Variants in PICALM observed in about 807,000 individuals in gnomAD.
PICALM encodes phosphatidylinositol-binding clathrin assembly protein.
PICALM carries 40 observed loss-of-function variants against 80.5 expected under a neutral mutation model. The ratio of observed to expected loss-of-function variants is 0.50; its 90% CI spans 0.39 to 0.65. The LOEUF is 0.65. Ranked by LOEUF, PICALM falls within the 30% of genes least tolerant of loss-of-function variation. The probability of loss-of-function intolerance (pLI) is 0.00; values close to 1 mark genes in which losing one functional copy is unlikely to be tolerated. For synonymous variants in PICALM, 288 were observed against 260.3 expected (o/e 1.11, Z -1.02); for missense variants, 676 against 778.9 (o/e 0.87, Z 1.57).
At chr11:86,057,290 G>A in intron 1 of PICALM, among the ~76,000 whole-genome samples, 1 of 152,196 alleles carries the variant, frequency 6.6e-6, no homozygotes, top group Non-Finnish European at 1.5e-5. Flanking sequence ...TGCAATCCCA[G>A]CACTTTGGGA....
chr11:86,026,435 G>A (rs760483089), intron 2 of PICALM, 68 bp from the exon 3 acceptor site: 18 of 888,262 alleles, frequency 2.0e-5, no homozygotes, highest in Non-Finnish European at 3.3e-5. Context: ...AAAATTAGGA[G>A]GAAAAGTTAT....
At chr11:85,974,423 AAGAGC>A in intron 19 of PICALM, 1 of 556,368 alleles carries the variant, frequency 1.8e-6, no homozygotes, top group Non-Finnish European at 3.5e-6. Flanking sequence ...CAGAATCACG[AAGAGC>A]AAGTAGGCTC....
intron 4 of PICALM, among the ~76,000 whole-genome samples, chr11:86,018,846 G>A (rs1040913388): frequency 3.3e-5 from 5 of 151,122 alleles, no homozygotes; most frequent in African/African-American, 7.3e-5. Context: ...CCAAGAGCAC[G>A]CCACTGCACC....
At chr11:86,069,107 C>T, upstream of PICALM, 1 of 288,926 alleles carries the variant, frequency 3.5e-6, no homozygotes, top group Non-Finnish European at 6.6e-6. Context: ...CTCCTCGGAG[C>T]TTTCCGGGCT....
rs2093590352 is a variant in PICALM at position 85,958,675 on chromosome 11, A to AT, written c.*370_*371insA. On this transcript the variant is annotated 3_prime_UTR_variant, in exon 20 of 20. Transcript: ENST00000393346. ...AAAGAGTCCTGTTGAAATACAGTAA[A>AT]GGACACAGTTCTTCTCTCCAGGCAG... is the stretch of plus-strand genomic sequence containing the variant. 4.0e-6 allele frequency: 1 copy of AT among 252,486 alleles called. No individual in the cohort carries two copies. The highest frequency in any genetic ancestry group is 7.6e-6 in the Non-Finnish European group (1 of 131,798). 15.6% of individuals were successfully genotyped at this position (252,486 alleles called of 1,614,324 possible).
intron 1 of PICALM, among the ~76,000 whole-genome samples, chr11:86,051,064 GATA>G (rs2096178274): frequency 6.6e-6 from 1 of 152,104 alleles, no homozygotes; most frequent in East Asian, 1.9e-4. Flanking sequence ...TCCTACCAAT[GATA>G]ATAAGATATG....
chr11:85,966,664 T>G (rs574472824), intron 19 of PICALM, among the ~76,000 whole-genome samples: 1 of 152,280 alleles, frequency 6.6e-6, no homozygotes, highest in Admixed American at 6.5e-5. Context: ...TGCCCATAAA[T>G]TTGACCCTAC....
chr11:86,068,262 G>T (rs1229021697), intron 1 of PICALM, among the ~76,000 whole-genome samples: 1 of 152,174 alleles, frequency 6.6e-6, no homozygotes, highest in Non-Finnish European at 1.5e-5. Flanking sequence ...GCTTGGAGAC[G>T]CTCAGACGAG....
At chr11:85,982,422 A>ATTTTTTTTTTTTT (rs1446437172) in intron 14 of PICALM, among the ~76,000 whole-genome samples, 8 of 29,752 alleles carry the variant, frequency 2.7e-4, no homozygotes, top group Non-Finnish European at 3.8e-4. Flanking sequence ...GATTTTATAG[A>ATTTTTTTTTTTTT]CTTTTTTTTT....
chr11:86,047,128 G>C (rs1433703638), intron 1 of PICALM, among the ~76,000 whole-genome samples: 1 of 152,148 alleles, frequency 6.6e-6, no homozygotes, highest in African/African-American at 2.4e-5. Context: ...TCCACTAGCA[G>C]GATAGATGAA....
chr11:86,044,893 C>T (rs1565535585), intron 1 of PICALM, among the ~76,000 whole-genome samples: 1 of 152,208 alleles, frequency 6.6e-6, no homozygotes, highest in Non-Finnish European at 1.5e-5. Flanking sequence ...CATCCCTCCA[C>T]ACACCCCCTG....
At chr11:85,998,406 C>T (rs900909586) in intron 11 of PICALM, among the ~76,000 whole-genome samples, 2 of 151,946 alleles carry the variant, frequency 1.3e-5, no homozygotes, top group Admixed American at 6.5e-5. Context: ...CCACCATGCC[C>T]GGCCGACTTC....
intron 13 of PICALM, among the ~76,000 whole-genome samples, chr11:85,990,008 C>CAAAA (rs5793177): frequency 0.019 from 1,738 of 89,184 alleles, 63 homozygotes; most frequent in African/African-American, 0.063. Flanking sequence ...AACCAAACAC[C>CAAAA]AAAAAAAAAA....
Position 86,068,685 on chromosome 11 carries a change from G to A in PICALM, c.96C>T (p.His32=). 6.2e-7 allele frequency: 1 copy of A among 1,613,456 alleles called. No homozygotes were observed. The highest frequency in any genetic ancestry group is 1.1e-5 in the South Asian group (1 of 91,072). Residue 32 remains histidine (H), a synonymous_variant, in exon 1 of 20, where the codon CAC becomes CAT. Transcript: ENST00000393346. Reference sequence around the variant, plus strand: ...GCTTTTTCTTGGGCCCCATGATCTCGTGGGTCGTGGCCTTGCATACTGTCT... The same window carrying A: ...GCTTTTTCTTGGGCCCCATGATCTCATGGGTCGTGGCCTTGCATACTGTCT... ...VSKTVCKATT[H]EIMGPKKKHL...
At chr11:85,959,414 G>A (rs184362234) in intron 19 of PICALM, among the ~76,000 whole-genome samples, 1 of 152,032 alleles carries the variant, frequency 6.6e-6, no homozygotes, top group Non-Finnish European at 1.5e-5. Flanking sequence ...GATCACCTGA[G>A]GTGAGTTCGA....
chr11:86,038,423 C>T (rs1009832958), intron 1 of PICALM, among the ~76,000 whole-genome samples: 3 of 152,198 alleles, frequency 2.0e-5, no homozygotes, highest in Admixed American at 2.0e-4. Flanking sequence ...GTATTTTGAA[C>T]ACAAGTTCAA....
chr11:86,021,457 C>T (rs1327961631), intron 4 of PICALM, among the ~76,000 whole-genome samples: 1 of 144,988 alleles, frequency 6.9e-6, no homozygotes, highest in Non-Finnish European at 1.5e-5. Context: ...CTAAAAATCA[C>T]AAGACACCAG....
At chr11:85,977,929 G>A in intron 17 of PICALM, 1 of 700,444 alleles carries the variant, frequency 1.4e-6, no homozygotes. Context: ...CATGAAATCA[G>A]TAGATGCTAG....
intron 16 of PICALM, 69 bp downstream of exon 16, chr11:85,981,676 C>A: frequency 8.2e-7 from 1 of 1,212,428 alleles, no homozygotes; most frequent in South Asian, 1.2e-5. Context: ...CAAATCAACC[C>A]TCCAAATAAC....
Sources: allele counts gnomAD v4.1 joint callset (sites outside exome capture counted in the v4.1 genomes callset), GRCh38; gene constraint gnomAD v4.1.1; transcripts MANE v1.5; gene names NCBI Gene and HGNC (gene_info 2026-07-23, HGNC 2026-07-21).